Variants in TMEM43 observed in about 807,000 individuals in gnomAD.
TMEM43 encodes arrhythmogenic right ventricular dysplasia 5.
A neutral mutation model predicts 49.6 loss-of-function variants in TMEM43; 45 were observed. That is an observed-to-expected ratio of 0.91 (90% CI 0.71 to 1.16). The LOEUF is 1.16. Ranked by LOEUF, TMEM43 falls within the 50% of genes most tolerant of loss-of-function variation. The pLI, the probability that TMEM43 is intolerant of heterozygous loss-of-function variation, is 0.00. For synonymous variants in TMEM43, 199 were observed against 207.8 expected (o/e 0.96, Z 0.36); for missense variants, 532 against 516.6 (o/e 1.03, Z -0.29).
At chr3:14,125,393 G>A (rs1695004898) in intron 1 of TMEM43, among the ~76,000 whole-genome samples, 188 bp downstream of exon 1, 2 of 152,218 alleles carry the variant, frequency 1.3e-5, no homozygotes, top group African/African-American at 2.4e-5. Context: ...GCCTGTCCAG[G>A]CTTCTTTTGT....
intron 1 of TMEM43, 27 bp downstream of exon 1, chr3:14,125,232 A>G: frequency 6.2e-7 from 1 of 1,601,240 alleles, no homozygotes; most frequent in Non-Finnish European, 8.5e-7. Context: ...CAGCCGGGCC[A>G]CACCCAGGCT....
chr3:14,133,877 C>T (rs538581870), intron 7 of TMEM43, 68 bp downstream of exon 7: 3 of 1,395,018 alleles, frequency 2.2e-6, no homozygotes, highest in Non-Finnish European at 3.1e-6. Context: ...CCGGAGCTCC[C>T]AGTACTCAGC....
At chr3:14,130,334 G>T (rs1574937079) in intron 2 of TMEM43, among the ~76,000 whole-genome samples, 1 of 152,086 alleles carries the variant, frequency 6.6e-6, no homozygotes, top group South Asian at 2.1e-4. Flanking sequence ...AAACCACATG[G>T]GCTGAGTAGG....
intron 6 of TMEM43, 147 bp downstream of exon 6, chr3:14,133,082 C>A (rs981819676): frequency 9.6e-6 from 7 of 727,534 alleles, no homozygotes; most frequent in Non-Finnish European, 1.7e-5. Context: ...AAGCCCTGTG[C>A]TGGGCACCAG....
chr3:14,136,912 A>G (rs572290412), intron 10 of TMEM43, among the ~76,000 whole-genome samples: 42 of 149,352 alleles, frequency 2.8e-4, no homozygotes, highest in Non-Finnish European at 3.8e-4. Context: ...TAGGCAGGCA[A>G]TCCTTCTCTG....
intron 2 of TMEM43, 21 bp from the exon 3 acceptor site, chr3:14,130,801 C>A (rs752384686): frequency 6.2e-7 from 1 of 1,613,070 alleles, no homozygotes; most frequent in African/African-American, 1.3e-5. Context: ...TGTTGAAATC[C>A]CCACTCCCCT....
At position 14,141,771 on chromosome 3, in the gene TMEM43, G is replaced by A; in HGVS notation, c.1179G>A (p.Arg393=). The A allele has an allele frequency of 2.5e-6, 4 of 1,613,756 alleles. No homozygotes were observed. The highest frequency in any genetic ancestry group is 3.4e-6 in the Non-Finnish European group (4 of 1,179,986). The change falls in exon 12 of 12, where the codon CGG becomes CGA. Residue 393 remains arginine, a synonymous_variant. Transcript: ENST00000306077. ...ALVPILVART[R]VPAKKLE ...TGCCCATCCTTGTTGCTCGGACACG[G>A]GTGCCAGCCAAAAAGTTGGAGTGAA...
chr3:14,131,680 C>A lies in TMEM43; in HGVS notation c.392+6C>A. The A allele has an allele frequency of 6.2e-7, 1 of 1,609,674 alleles. No individual in the cohort carries two copies. Among genetic ancestry groups the A allele is most frequent in the Non-Finnish European group, 8.5e-7 (1 of 1,176,128 alleles). On this transcript the variant is annotated splice_donor_region_variant and intron_variant, in intron 4 of 11. Transcript: ENST00000306077. ...GTAGAAACTGAGGAGTCCAGGTGAG[C>A]TGTTGGGGTGAAAACTCTGTTGGGG... is the stretch of plus-strand genomic sequence containing the variant.
chr3:14,135,877 T>C lies in TMEM43; in HGVS notation c.851T>C (p.Leu284Pro). 1 of 1,614,236 alleles carries C rather than the reference T, an allele frequency of 6.2e-7. No homozygotes were observed. The highest frequency in any genetic ancestry group is 1.1e-5 in the South Asian group (1 of 91,090). ...TCCACCAAGTCTGGGGATACCTTACTGCTCCTGCACCACGGGGACTTCTCA... is the reference window on the plus strand; with the variant it reads ...TCCACCAAGTCTGGGGATACCTTACCGCTCCTGCACCACGGGGACTTCTCA... ...PFSTKSGDTLLLLHHGDFSAE... is the reference protein window; with the variant it reads ...PFSTKSGDTLPLLHHGDFSAE... Residue 284 changes from leucine (L) to proline (P), a missense_variant, in exon 10 of 12, where the codon CTG becomes CCG. Physicochemically the swap from Leu to Pro is moderately conservative, Grantham distance 98. Transcript: ENST00000306077.
chr3:14,139,104 C>T (rs1028651287), intron 10 of TMEM43, 76 bp from the exon 11 acceptor site: 15 of 1,060,900 alleles, frequency 1.4e-5, no homozygotes, highest in Middle Eastern at 2.1e-4. Flanking sequence ...TGGTACAGCC[C>T]CCTCAGGACC....
In TMEM43 at chr3:14,143,414, A is replaced by G. The variant is rs1368680238; in HGVS notation, c.*1619A>G. The G allele has an allele frequency of 6.6e-6, 1 of 152,252 alleles. No homozygotes were observed. Among genetic ancestry groups the G allele is most frequent in the African/African-American group, 2.4e-5 (1 of 41,470 alleles). The allele number at this position is 152,252 out of a possible 1,614,324, so 9.4% of individuals were successfully genotyped here. A position where few individuals can be genotyped will look rare whatever the true frequency, so the allele number is the denominator to read the frequency against. On this transcript the variant is annotated 3_prime_UTR_variant, in exon 12 of 12. Transcript: ENST00000306077. ...GGTTTAGGATTCAATAGTATTCACT[A>G]ACTGCTTATTACATGAGCAATTTCA...
chr3:14,133,856 C>T lies in TMEM43; in HGVS notation c.583+47C>T, dbSNP rs750280406. On this transcript the variant is annotated intron_variant, in intron 7 of 11. Transcript: ENST00000306077. Reference sequence around the variant, plus strand: ...AGGAGCTCGTGCCAGAAGCACAAGGCCCCCCTAGGGCCGGAGCTCCCAGTA... The same window carrying T: ...AGGAGCTCGTGCCAGAAGCACAAGGTCCCCCTAGGGCCGGAGCTCCCAGTA... The T allele has an allele frequency of 1.5e-5, 23 of 1,556,574 alleles. No individual in the cohort carries two copies. The African/African-American group carries it at 1.5e-4, about 10-fold the overall frequency.
intron 1 of TMEM43, 100 bp from the exon 2 acceptor site, chr3:14,129,307 TAAAAA>T (rs10648308): frequency 3.9e-3 from 1,469 of 379,442 alleles, no homozygotes; most frequent in Non-Finnish European, 4.2e-3. Context: ...CAGTTAAAAC[TAAAAA>T]AAAAAAAAAA....
intron 9 of TMEM43, among the ~76,000 whole-genome samples, chr3:14,135,521 A>G (rs1695157240): frequency 6.6e-6 from 1 of 152,038 alleles, no homozygotes; most frequent in African/African-American, 2.4e-5. Context: ...GCCCGTTTTG[A>G]TCTGTCAATA....
At chr3:14,129,027 A>G (rs1233294782) in intron 1 of TMEM43, 2 of 452,674 alleles carry the variant, frequency 4.4e-6, no homozygotes, top group African/African-American at 2.0e-5. Flanking sequence ...CTGGGCAGAA[A>G]GGAGTTGGTG....
At chr3:14,125,322 G>C in intron 1 of TMEM43, 117 bp downstream of exon 1, 1 of 1,268,220 alleles carries the variant, frequency 7.9e-7, no homozygotes, top group Non-Finnish European at 1.1e-6. Flanking sequence ...GGCTAGGCCC[G>C]CATCTCCCTC....
intron 10 of TMEM43, chr3:14,136,119 T>C: frequency 1.5e-6 from 1 of 656,752 alleles, no homozygotes; most frequent in South Asian, 1.6e-5. Context: ...TATTTGTATA[T>C]ACATAATGAG....
rs1695153141 is a variant in TMEM43 at position 14,135,247 on chromosome 3, CA to C, written c.780+16del. 1.2e-6 allele frequency: 2 copies of C among 1,606,630 alleles called. No individual in the cohort carries two copies. The highest frequency in any genetic ancestry group is 8.5e-7 in the Non-Finnish European group (1 of 1,176,424). On this transcript the variant is annotated intron_variant, in intron 9 of 11. Coordinates refer to ENST00000306077, the MANE Select transcript of TMEM43 (RefSeq NM_024334.3). ...CAGCTCACGTGGTAACCTGGCTTCC[CA>C]GGGGCAGACACTAAGTCAGAGCCTC...
chr3:14,137,526 C>G (rs1695186207), intron 10 of TMEM43, among the ~76,000 whole-genome samples: 1 of 152,224 alleles, frequency 6.6e-6, no homozygotes, highest in Non-Finnish European at 1.5e-5. Flanking sequence ...GCCCAGCCCC[C>G]ACCCCCACAC....
Sources: allele counts gnomAD v4.1 joint callset (sites outside exome capture counted in the v4.1 genomes callset), GRCh38; gene constraint gnomAD v4.1.1; transcripts MANE v1.5; gene names NCBI Gene and HGNC (gene_info 2026-07-23, HGNC 2026-07-21).